Variants in LYRM4 observed in about 807,000 individuals in gnomAD.
LYRM4 encodes the protein LYR motif-containing protein 4.
In LYRM4, 9 loss-of-function variants were observed where a neutral mutation model predicts 11.7. The observed-to-expected ratio is 0.77, with a 90% CI of 0.46 to 1.34. The LOEUF is 1.34. LYRM4 is among the 40% of genes most tolerant of loss of function. The pLI, the probability that LYRM4 is intolerant of heterozygous loss-of-function variation, is 0.00. For synonymous variants in LYRM4, 42 were observed against 40.4 expected (o/e 1.04, Z -0.15); for missense variants, 133 against 112.5 (o/e 1.18, Z -0.82).
Position 5,168,116 on chromosome 6 carries a change from AAAAAAC to A in LYRM4, c.207+48496_207+48501del, listed in dbSNP as rs531754875. On this transcript the variant is annotated intron_variant, in intron 2 of 2. Coordinates refer to ENST00000330636, the MANE Select transcript of LYRM4 (RefSeq NM_020408.6). ...TGAATCTATCATGATACTTAAAAAA[AAAAAAC>A]AAAAAACAGTGGGAGAAGAGAGAGG... Among the ~76,000 whole-genome samples, 142 of 151,764 alleles carry A rather than the reference AAAAAAC, an allele frequency of 9.4e-4. 1 individual carries two copies. The highest frequency in any genetic ancestry group is 3.2e-3 in the African/African-American group (133 of 41,296).
chr6:5,118,079 A>AATATATATATATATAT (rs113661997), intron 2 of LYRM4, among the ~76,000 whole-genome samples: 1 of 40,362 alleles, frequency 2.5e-5, no homozygotes, highest in Non-Finnish European at 5.8e-5. Context: ...TCACCAAAAC[A>AATATATATATATATAT]ATATATATAT....
the LYRM4 span, chr6:5,085,189 C>A: frequency 3.6e-5 from 15 of 416,940 alleles, no homozygotes; most frequent in Non-Finnish European, 4.6e-5. Flanking sequence ...GGTGTCCCAG[C>A]GGCCGCGCCT....
chr6:5,218,616 T>A (rs2127726315), intron 1 of LYRM4, among the ~76,000 whole-genome samples: 1 of 152,324 alleles, frequency 6.6e-6, no homozygotes, highest in South Asian at 2.1e-4. Flanking sequence ...TAACCCTCTG[T>A]GAACCAGCTG....
intron 2 of LYRM4, among the ~76,000 whole-genome samples, chr6:5,169,185 T>G (rs1759271996): frequency 6.6e-6 from 1 of 152,150 alleles, no homozygotes; most frequent in Non-Finnish European, 1.5e-5. Context: ...TGCCTCAGCC[T>G]CTAGAGTAGC....
the LYRM4 span, chr6:5,088,675 A>G: frequency 6.6e-6 from 1 of 152,344 alleles, no homozygotes; most frequent in East Asian, 1.9e-4. Context: ...TTTTAAACAC[A>G]ATATGCTGAC....
the LYRM4 span, chr6:5,086,262 C>T: frequency 2.0e-4 from 304 of 1,535,448 alleles, no homozygotes; most frequent in Non-Finnish European, 2.3e-4. Flanking sequence ...AGTGGCGCTC[C>T]TTCCTGGACG....
At chr6:5,069,113 A>T in the LYRM4 span, among the ~76,000 whole-genome samples, 17 of 152,308 alleles carry the variant, frequency 1.1e-4, no homozygotes, top group African/African-American at 2.9e-4. Context: ...ATTTTTCATG[A>T]ACTTTTTGAA....
chr6:5,238,500 G>A (rs773675903), intron 1 of LYRM4, among the ~76,000 whole-genome samples: 2 of 152,200 alleles, frequency 1.3e-5, no homozygotes, highest in East Asian at 3.8e-4. Flanking sequence ...GATATATTAA[G>A]TCAACTAACA....
At chr6:5,034,925 C>T in the LYRM4 span, among the ~76,000 whole-genome samples, 2 of 151,340 alleles carry the variant, frequency 1.3e-5, no homozygotes, top group Admixed American at 1.3e-4. Flanking sequence ...GCAGGCGAGG[C>T]GAGTTTTGCA....
At chr6:5,240,778 G>C (rs1444477501) in intron 1 of LYRM4, 1 of 152,234 alleles carries the variant, frequency 6.6e-6, no homozygotes, top group Non-Finnish European at 1.5e-5. Flanking sequence ...TCCACATGCT[G>C]ACCTGTAATT....
chr6:5,193,633 T>G (rs1386575563), intron 2 of LYRM4, among the ~76,000 whole-genome samples: 1 of 146,958 alleles, frequency 6.8e-6, no homozygotes, highest in Non-Finnish European at 1.5e-5. Context: ...AAACTAAAGC[T>G]GTTCTCTAAT....
chr6:5,110,604 T>C (rs917871736), intron 2 of LYRM4, among the ~76,000 whole-genome samples: 2 of 151,864 alleles, frequency 1.3e-5, no homozygotes, highest in Non-Finnish European at 2.9e-5. Flanking sequence ...CAGCACGTCA[T>C]CTAAGAAGAA....
At chr6:5,259,139 T>A (rs997317530) in intron 1 of LYRM4, among the ~76,000 whole-genome samples, 1 of 152,198 alleles carries the variant, frequency 6.6e-6, no homozygotes, top group African/African-American at 2.4e-5. Context: ...ACATAAACCC[T>A]CTCCCTGCCA....
At chr6:5,146,467 A>G (rs1757729687) in intron 2 of LYRM4, among the ~76,000 whole-genome samples, 2 of 152,196 alleles carry the variant, frequency 1.3e-5, no homozygotes, top group Admixed American at 1.3e-4. Flanking sequence ...GAGCTGGAAA[A>G]GGGAGAGCCA....
At chr6:5,184,357 T>G (rs934608305) in intron 2 of LYRM4, among the ~76,000 whole-genome samples, 1 of 152,182 alleles carries the variant, frequency 6.6e-6, no homozygotes, top group Non-Finnish European at 1.5e-5. Context: ...GCTGTCCCTT[T>G]AAGAGAAAAG....
At chr6:5,203,603 T>G (rs1182293370) in intron 2 of LYRM4, among the ~76,000 whole-genome samples, 1 of 152,204 alleles carries the variant, frequency 6.6e-6, no homozygotes, top group African/African-American at 2.4e-5. Flanking sequence ...CTGATTCTAT[T>G]CAGGTGGATA....
intron 2 of LYRM4, among the ~76,000 whole-genome samples, chr6:5,184,200 A>T (rs1253832861): frequency 1.3e-5 from 2 of 152,138 alleles, no homozygotes; most frequent in East Asian, 3.8e-4. Context: ...TCTTAACGAT[A>T]ATGATCCCGA....
At chr6:5,253,064 TTGTAA>T (rs1293994255) in intron 1 of LYRM4, among the ~76,000 whole-genome samples, 1 of 152,244 alleles carries the variant, frequency 6.6e-6, no homozygotes, top group Admixed American at 6.5e-5. Context: ...CTTTAGGAGC[TTGTAA>T]TGTTTTACCC....
chr6:5,144,876 G>A (rs776281995), intron 2 of LYRM4, among the ~76,000 whole-genome samples: 7 of 152,194 alleles, frequency 4.6e-5, no homozygotes, highest in Non-Finnish European at 2.9e-5. Context: ...TGACCTCTGA[G>A]GTCTCCTTTA....
Sources: allele counts gnomAD v4.1 joint callset (sites outside exome capture counted in the v4.1 genomes callset), GRCh38; gene constraint gnomAD v4.1.1; transcripts MANE v1.5; gene names NCBI Gene and HGNC (gene_info 2026-07-23, HGNC 2026-07-21).